Variants in HGSNAT observed in about 807,000 individuals in gnomAD.
HGSNAT encodes the protein transmembrane protein 76.
A neutral mutation model predicts 85.2 loss-of-function variants in HGSNAT; 59 were observed. The observed-to-expected ratio is 0.69, with a 90% CI of 0.56 to 0.86. The LOEUF (loss-of-function observed/expected upper bound fraction) is 0.86. Among genes scored for constraint, HGSNAT ranks in the 40% least tolerant of loss-of-function variants. HGSNAT has a pLI of 0.00. For synonymous variants in HGSNAT, 321 were observed against 304.5 expected, an observed-to-expected ratio of 1.05 and a Z score of -0.56; for missense variants, 756 against 777.1, an observed-to-expected ratio of 0.97 and a Z score of 0.32.
In HGSNAT at chr8:43,150,019, C is replaced by T. The variant is rs182149595; in HGVS notation, c.234+2956C>T. On this transcript the variant is annotated intron_variant, in intron 2 of 17. Transcript: ENST00000379644. ...TCGCCCAGGCTGGAGTGCAGTGGCA[C>T]GATCTCACCTCACCACAACCTCCAC... is the stretch of plus-strand genomic sequence containing the variant. 9.7e-3 allele frequency among the ~76,000 whole-genome samples: 1,479 copies of T among 152,136 alleles called. 25 individuals carry two copies. Among genetic ancestry groups the T allele is most frequent in the African/African-American group, 0.033 (1,370 of 41,518 alleles).
intron 11 of HGSNAT, among the ~76,000 whole-genome samples, chr8:43,187,123 T>A (rs1586745546): frequency 3.3e-5 from 5 of 152,224 alleles, no homozygotes; most frequent in Admixed American, 3.3e-4. Context: ...ATTCTGTTGA[T>A]TTGAGGTGGA....
intron 5 of HGSNAT, among the ~76,000 whole-genome samples, chr8:43,168,608 G>A (rs1563366542): frequency 1.3e-5 from 2 of 151,670 alleles, no homozygotes; most frequent in Admixed American, 6.6e-5. Flanking sequence ...TGTTGGCCAG[G>A]CTGGTCTCGA....
At position 43,192,406 on chromosome 8, in the gene HGSNAT, C is replaced by T; in HGVS notation, c.1353C>T (p.His451=). The T allele has an allele frequency of 6.2e-7, 1 of 1,613,082 alleles. No homozygotes were observed. Among genetic ancestry groups the T allele is most frequent in the Admixed American group, 1.7e-5 (1 of 59,886 alleles). ...ACCGCCTGCTGCTGGGAGACGATCACCTTTACCAGCACCCATCTTCTGCTG... is the reference window on the plus strand; with the variant it reads ...ACCGCCTGCTGCTGGGAGACGATCATCTTTACCAGCACCCATCTTCTGCTG... ...YIDRLLLGDD[H]LYQHPSSAVL... Residue 451 remains histidine (H), a synonymous_variant, in exon 13 of 18, where the codon CAC becomes CAT. Transcript: ENST00000379644.
intron 1 of HGSNAT, among the ~76,000 whole-genome samples, chr8:43,146,059 G>A (rs1426502358): frequency 2.0e-5 from 3 of 152,066 alleles, no homozygotes; most frequent in East Asian, 1.9e-4. Context: ...ATTGGCACAC[G>A]TGATTTTAGA....
intron 14 of HGSNAT, chr8:43,196,265 T>G: frequency 2.8e-6 from 1 of 354,328 alleles, no homozygotes; most frequent in Admixed American, 3.8e-5. Flanking sequence ...ATATTAGCTA[T>G]TACTATAAAT....
chr8:43,196,815 C>T (rs929031514), intron 14 of HGSNAT, 133 bp from the exon 15 acceptor site: 2 of 654,100 alleles, frequency 3.1e-6, no homozygotes, highest in Non-Finnish European at 5.5e-6. Context: ...TTTCCCGCCT[C>T]CCTGTAATCC....
chr8:43,144,418 T>A (rs1335038315), intron 1 of HGSNAT, among the ~76,000 whole-genome samples: 1 of 152,058 alleles, frequency 6.6e-6, no homozygotes, highest in African/African-American at 2.4e-5. Context: ...TGGATCACTG[T>A]AATGTCTATG....
intron 11 of HGSNAT, among the ~76,000 whole-genome samples, chr8:43,187,781 C>T (rs945405675): frequency 6.6e-5 from 10 of 152,232 alleles, no homozygotes; most frequent in South Asian, 4.2e-4. Context: ...TGTCTGGTAC[C>T]GGTTGTTCCT....
intron 11 of HGSNAT, among the ~76,000 whole-genome samples, chr8:43,187,287 G>A (rs1467215702): frequency 6.6e-6 from 1 of 152,148 alleles, no homozygotes; most frequent in Non-Finnish European, 1.5e-5. Context: ...AAGTCTCTTT[G>A]TAGGTCTCTA....
chr8:43,189,011 G>A (rs1162608317), intron 11 of HGSNAT, among the ~76,000 whole-genome samples: 1 of 152,120 alleles, frequency 6.6e-6, no homozygotes, highest in Admixed American at 6.6e-5. Context: ...TCTCAGAGGG[G>A]CACCCAGCTG....
rs150990274 is a variant in HGSNAT, at chr8:43,142,519, A to T, written c.118+1905A>T. On this transcript the variant is annotated intron_variant, in intron 1 of 17. Coordinates refer to ENST00000379644, the MANE Select transcript of HGSNAT (RefSeq NM_152419.3). ...TCAAATAATGCAAAGTGAAAAAAAAAGGTGTCAAAATCCGCTGGCGTTACT... is the reference window on the plus strand; with the variant it reads ...TCAAATAATGCAAAGTGAAAAAAAATGGTGTCAAAATCCGCTGGCGTTACT... Among the ~76,000 whole-genome samples the T allele has an allele frequency of 5.9e-3, 892 of 152,276 alleles. 6 individuals are homozygous for T. The highest frequency in any genetic ancestry group is 0.02 in the African/African-American group (850 of 41,554).
At chr8:43,180,991 G>C (rs2130779260) in intron 10 of HGSNAT, among the ~76,000 whole-genome samples, 2 of 111,208 alleles carry the variant, frequency 1.8e-5, no homozygotes, top group African/African-American at 6.9e-5. Context: ...CACTCGGCAG[G>C]CTGAGGCAGG....
chr8:43,184,612 T>G (rs1804244167), intron 11 of HGSNAT, among the ~76,000 whole-genome samples: 1 of 152,250 alleles, frequency 6.6e-6, no homozygotes, highest in African/African-American at 2.4e-5. Flanking sequence ...TGGTAGTTTC[T>G]TTTGCTGTGC....
intron 5 of HGSNAT, among the ~76,000 whole-genome samples, chr8:43,168,384 C>CTTTTTTTTT (rs34270087): frequency 6.0e-4 from 42 of 70,246 alleles, no homozygotes; most frequent in Admixed American, 7.2e-4. Context: ...AATAGTTGAT[C>CTTTTTTTTT]TTTTTTTTTT....
At chr8:43,185,091 T>C (rs934751984) in intron 11 of HGSNAT, among the ~76,000 whole-genome samples, 3 of 152,268 alleles carry the variant, frequency 2.0e-5, no homozygotes, top group African/African-American at 7.2e-5. Flanking sequence ...GCTTTGTTCT[T>C]GTGGCTTAGG....
At chr8:43,150,576 G>A (rs1344330267) in intron 2 of HGSNAT, among the ~76,000 whole-genome samples, 2 of 152,110 alleles carry the variant, frequency 1.3e-5, no homozygotes, top group African/African-American at 4.8e-5. Flanking sequence ...GCTCACACCT[G>A]TAATCCCAGC....
At chr8:43,196,377 C>G in intron 14 of HGSNAT, 1 of 938,512 alleles carries the variant, frequency 1.1e-6, no homozygotes, top group Non-Finnish European at 1.5e-6. Flanking sequence ...AAATGTTTCC[C>G]TGCCTCCCCC....
At chr8:43,172,697 T>C (rs1162847951) in intron 8 of HGSNAT, among the ~76,000 whole-genome samples, 2 of 152,242 alleles carry the variant, frequency 1.3e-5, no homozygotes, top group Admixed American at 6.5e-5. Flanking sequence ...ATCATGGTCA[T>C]ATTCTAGATA....
At chr8:43,159,598 A>T (rs1361790977) in intron 4 of HGSNAT, among the ~76,000 whole-genome samples, 1 of 152,216 alleles carries the variant, frequency 6.6e-6, no homozygotes, top group African/African-American at 2.4e-5. Context: ...AAAAAAAATT[A>T]TATGATATAT....
Sources: allele counts gnomAD v4.1 joint callset (sites outside exome capture counted in the v4.1 genomes callset), GRCh38; gene constraint gnomAD v4.1.1; transcripts MANE v1.5; gene names NCBI Gene and HGNC (gene_info 2026-07-23, HGNC 2026-07-21).